Variants in CARMIL3 observed in about 807,000 individuals in gnomAD.
The protein encoded by CARMIL3 is capping protein regulator and myosin 1 linker 3, also known as capping protein, Arp2/3 and myosin-I linker protein 3.
CARMIL3 carries 88 observed loss-of-function variants against 180.8 expected under a neutral mutation model. The observed-to-expected ratio is 0.49, with a 90% confidence interval of 0.41 to 0.58. The LOEUF (loss-of-function observed/expected upper bound fraction) is 0.58. CARMIL3 is among the 20% of genes least tolerant of loss of function. CARMIL3 has a pLI of 0.00. For missense variants in CARMIL3, 1,548 were observed against 1,787.0 expected (o/e 0.87, Z 2.41); for synonymous variants, 696 against 714.5 (o/e 0.97, Z 0.41).
Position 24,065,578 on chromosome 14 carries a change from C to T in CARMIL3, c.3397-44C>T, listed in dbSNP as rs771090261. The stretch of plus-strand genomic sequence containing the variant: ...CAACTCCCTCACAGCCTGGGGAGCC[C>T]CCTTCGACTGGGAACTGCTAATAAA... On this transcript the variant is annotated intron_variant, in intron 33 of 39. Coordinates refer to ENST00000342740, the MANE Select transcript of CARMIL3 (RefSeq NM_138360.4). 14 of 1,565,940 alleles carry T rather than the reference C, an allele frequency of 8.9e-6. No homozygotes were observed. In the East Asian group the frequency reaches 2.7e-4, roughly 30 times the overall value.
Position 24,063,110 on chromosome 14 carries a change from A to G in CARMIL3, c.2707-10A>G. ...GTGCCTGGCCCTGCCACTCGTCTTCATTTCTGCAGGACACCATGGCCATCA... is the reference window on the plus strand; with the variant it reads ...GTGCCTGGCCCTGCCACTCGTCTTCGTTTCTGCAGGACACCATGGCCATCA... On this transcript the variant is annotated splice_polypyrimidine_tract_variant and intron_variant, in intron 29 of 39. Transcript: ENST00000342740. 6.2e-7 allele frequency: 1 copy of G among 1,610,348 alleles called. No individual in the cohort carries two copies. The highest frequency in any genetic ancestry group is 8.5e-7 in the Non-Finnish European group (1 of 1,176,846).
rs189076085 is a variant in CARMIL3, at chr14:24,056,873, T to C, written c.953-42T>C. Reference sequence around the variant, plus strand: ...AGAGTTATGTGCTGAGGGGAAGAGGTGGGGCTAGGGGCCAACCCAGCCCAG... The same window carrying C: ...AGAGTTATGTGCTGAGGGGAAGAGGCGGGGCTAGGGGCCAACCCAGCCCAG... On this transcript the variant is annotated intron_variant, in intron 12 of 39. Coordinates refer to ENST00000342740, the MANE Select transcript of CARMIL3 (RefSeq NM_138360.4). The C allele has an allele frequency of 9.8e-5, 155 of 1,588,358 alleles. 2 individuals carry two copies. In the Admixed American group the frequency reaches 2.6e-3, roughly 26 times the overall value.
chr14:24,053,691 G>T lies in CARMIL3; in HGVS notation c.41-18G>T, dbSNP rs767946239. The stretch of plus-strand genomic sequence containing the variant: ...CAGGGTAAGGTGAAGCTCTGAGCAG[G>T]CTCCCACCCCCCCTCAGACAGCATC... On this transcript the variant is annotated intron_variant, in intron 1 of 39. Coordinates refer to ENST00000342740, the MANE Select transcript of CARMIL3 (RefSeq NM_138360.4). 3 of 1,594,602 alleles carry T rather than the reference G, an allele frequency of 1.9e-6. No individual in the cohort carries two copies. The highest frequency in any genetic ancestry group is 2.6e-6 in the Non-Finnish European group (3 of 1,168,624).
At position 24,052,118 on chromosome 14, in the gene CARMIL3, G is replaced by A. The variant is rs1210507210; in HGVS notation, c.-36G>A. 6.5e-7 allele frequency: 1 copy of A among 1,537,938 alleles called. No homozygotes were observed. Among genetic ancestry groups the A allele is most frequent in the African/African-American group, 1.4e-5 (1 of 70,840 alleles). On this transcript the variant is annotated 5_prime_UTR_variant, in exon 1 of 40. Transcript: ENST00000342740. ...GCCGCGGCTCCCCGGCGGCGGCGGC[G>A]GCTCCTCTGCAGCAGCCTCAGCAGC...
At chr14:24,062,369 C>T (rs2035740794) in intron 27 of CARMIL3, 111 bp from the exon 28 acceptor site, 2 of 982,858 alleles carry the variant, frequency 2.0e-6, no homozygotes, top group Non-Finnish European at 3.3e-6. Flanking sequence ...CATGGGCAGA[C>T]AGACCAGGCC....
Position 24,054,058 on chromosome 14 carries a change from T to C in CARMIL3, c.136-30T>C. On this transcript the variant is annotated intron_variant, in intron 2 of 39. Transcript: ENST00000342740. The surrounding 1 kb of genome is among the most constrained non-coding windows in gnomAD (Gnocchi z 5.1). ...GGCCACCAAGGCCCAGCAGCTGCCA[T>C]GAGCTGCCGATTTTTTCCTCTCTCT... The C allele has an allele frequency of 6.2e-7, 1 of 1,610,550 alleles. No homozygotes were observed. The highest frequency in any genetic ancestry group is 8.5e-7 in the Non-Finnish European group (1 of 1,178,064).
chr14:24,068,226 G>A (rs536994532), intron 36 of CARMIL3, among the ~76,000 whole-genome samples: 2 of 152,110 alleles, frequency 1.3e-5, no homozygotes, highest in African/African-American at 2.4e-5. Context: ...GTGAAACCCT[G>A]TCTCTACTAA....
chr14:24,059,659 C>G lies in CARMIL3; in HGVS notation c.1800-5C>G. On this transcript the variant is annotated splice_region_variant and splice_polypyrimidine_tract_variant and intron_variant, in intron 21 of 39. Coordinates refer to ENST00000342740, the MANE Select transcript of CARMIL3 (RefSeq NM_138360.4). The surrounding 1 kb of genome is among the most constrained non-coding windows in gnomAD (Gnocchi z 6.3). ...GTGCCAAACTGGTGCTTACCCTCCC[C>G]CCAGAACTATCCTATGGGATCGGAA... The G allele has an allele frequency of 1.9e-6, 3 of 1,613,962 alleles. No homozygotes were observed. In the South Asian group the frequency reaches 3.3e-5, roughly 18 times the overall value.
rs1162426283 is a variant in CARMIL3 at position 24,067,170 on chromosome 14, TC to T, written c.3682+516del. Among the ~76,000 whole-genome samples the T allele has an allele frequency of 2.0e-5, 3 of 152,332 alleles. No homozygotes were observed. The East Asian group carries it at 5.8e-4, about 29-fold the overall frequency. On this transcript the variant is annotated intron_variant, in intron 36 of 39. Coordinates refer to ENST00000342740, the MANE Select transcript of CARMIL3 (RefSeq NM_138360.4). Reference sequence around the variant, plus strand: ...GGAGGTCAGAAACCTGCAGTATTAGTCCTTCTCAGCCACCCGCGACCTTAAA... The same window carrying T: ...GGAGGTCAGAAACCTGCAGTATTAGTCTTCTCAGCCACCCGCGACCTTAAA...
At position 24,059,424 on chromosome 14, in the gene CARMIL3, A is replaced by G. The variant is rs1285436480; in HGVS notation, c.1781A>G (p.Gln594Arg). ...IGAKMLSKAL[Q>R]INSSLRTILW... ...GCCAAGATGCTGTCTAAGGCCCTGC[A>G]GATAAACTCCTCCCTCAGGTGGGGC... The change falls in exon 21 of 40, where the codon CAG (glutamine) becomes CGG (arginine). Residue 594 changes from glutamine (Q) to arginine (R), a missense_variant. By Grantham distance (43) the Gln-to-Arg change is conservative (BLOSUM62 1). Around this residue, in one of 4 missense-constraint regions of CARMIL3, gnomAD observed 297 missense variants for 415.9 expected, o/e 0.71. Transcript: ENST00000342740. This position sits in a 1 kb window ranked among gnomAD's most constrained non-coding sequence, Gnocchi z 6.3. The G allele has an allele frequency of 6.3e-7, 1 of 1,583,038 alleles. No individual in the cohort carries two copies. Among genetic ancestry groups the G allele is most frequent in the African/African-American group, 1.4e-5 (1 of 74,014 alleles).
intron 36 of CARMIL3, 114 bp downstream of exon 36, chr14:24,066,770 A>C (rs1000874263): frequency 2.0e-6 from 2 of 1,023,116 alleles, no homozygotes; most frequent in African/African-American, 3.2e-5. Flanking sequence ...GGCAGTGAGA[A>C]GTCAACACAG....
At position 24,055,269 on chromosome 14, in the gene CARMIL3, C is replaced by G. The variant is rs758355583; in HGVS notation, c.564C>G (p.Asn188Lys). 6.2e-7 allele frequency: 1 copy of G among 1,614,170 alleles called. No homozygotes were observed. Among genetic ancestry groups the G allele is most frequent in the South Asian group, 1.1e-5 (1 of 91,084 alleles). The change falls in exon 8 of 40, where the codon AAC (asparagine) becomes AAG (lysine). Residue 188 changes from asparagine to lysine, a missense_variant. Physicochemically the swap from Asn to Lys is moderately conservative, Grantham distance 94 (BLOSUM62 0). Coordinates refer to ENST00000342740, the MANE Select transcript of CARMIL3 (RefSeq NM_138360.4). ...DVDTIYHAED[N>K]REFNLLDFSH... ...ACACCATCTACCATGCTGAAGATAA[C>G]CGGGAGTTCAATCTTTTGGATTTCA...
In CARMIL3 at chr14:24,059,519, G is replaced by A; in HGVS notation, c.1799+77G>A. 6.6e-7 allele frequency: 1 copy of A among 1,525,048 alleles called. No individual in the cohort carries two copies. Among genetic ancestry groups the A allele is most frequent in the South Asian group, 1.2e-5 (1 of 82,400 alleles). 94.5% of individuals were successfully genotyped at this position (1,525,048 alleles called of 1,614,324 possible). A position where few individuals can be genotyped will look rare whatever the true frequency, so the allele number is the denominator to read the frequency against. On this transcript the variant is annotated intron_variant, in intron 21 of 39. Transcript: ENST00000342740. The surrounding 1 kb of genome is among the most constrained non-coding windows in gnomAD (Gnocchi z 6.3). The stretch of plus-strand genomic sequence containing the variant: ...TGTACATAATCTCCCTGCTTTCCTT[G>A]ATGCTCTGGACCCCAGCTTCCAGAA...
chr14:24,060,897 C>A, intron 25 of CARMIL3, 30 bp from the exon 26 acceptor site: 1 of 1,546,764 alleles, frequency 6.5e-7, no homozygotes, highest in South Asian at 1.2e-5. Context: ...CTGGTTCTGG[C>A]CTGCTAATCA....
chr14:24,060,073 G>A lies in CARMIL3; in HGVS notation c.1962+10G>A, dbSNP rs1464851788. 6.2e-7 allele frequency: 1 copy of A among 1,613,866 alleles called. No individual in the cohort carries two copies. The highest frequency in any genetic ancestry group is 8.5e-7 in the Non-Finnish European group (1 of 1,180,002). ...GGACGTCTGGCAGAAGGTGCAGGGT[G>A]CTGTCCTAAGCAGGGTGGCACAGCA... On this transcript the variant is annotated intron_variant, in intron 23 of 39. Transcript: ENST00000342740.
In CARMIL3 at chr14:24,065,137, C is replaced by CCCCCCCGGGG; in HGVS notation, c.3260_3261insCCCCCCGGGG (p.Thr1088ProfsTer10). 6.9e-7 allele frequency: 1 copy of CCCCCCCGGGG among 1,444,628 alleles called. No individual in the cohort carries two copies. The allele number at this position is 1,444,628 out of a possible 1,614,324, so 89.5% of individuals were successfully genotyped here. On this transcript the variant is annotated frameshift_variant, in exon 33 of 40. Coordinates refer to ENST00000342740, the MANE Select transcript of CARMIL3 (RefSeq NM_138360.4). LOFTEE classifies it high-confidence loss of function. ...CTCCCTCCACCCCCACCCCCTCCCC[C>CCCCCCCGGGG]GACTCAGGAGAGCCCCCCTAGCCCA...
chr14:24,063,451 C>T lies in CARMIL3; in HGVS notation c.2897C>T (p.Thr966Ile), dbSNP rs2035753682. 1.2e-6 allele frequency: 2 copies of T among 1,613,814 alleles called. No individual in the cohort carries two copies. Among genetic ancestry groups the T allele is most frequent in the Non-Finnish European group, 1.7e-6 (2 of 1,180,024 alleles). The change falls in exon 31 of 40, where the codon ACT (threonine) becomes ATT (isoleucine). Residue 966 changes from threonine to isoleucine, a missense_variant. Physicochemically the swap from Thr to Ile is moderately conservative, Grantham distance 89 (BLOSUM62 -1). This residue lies in a region of CARMIL3 where 668 missense variants were observed against 687.8 expected (regional missense o/e 0.97). Transcript: ENST00000342740. ...GSWEGLSELP[T>I]HGYKLRHQTQ... is the part of the protein sequence containing the mutation. ...TGGGAAGGTCTATCTGAGCTGCCCA[C>T]TCATGGTTACAAACTAAGGCATCAA...
intron 34 of CARMIL3, among the ~76,000 whole-genome samples, chr14:24,066,093 C>CT (rs1176213030): frequency 1.3e-5 from 2 of 152,144 alleles, no homozygotes; most frequent in African/African-American, 2.4e-5. Flanking sequence ...ATTAACTCAC[C>CT]TTTTTTTAAC....
chr14:24,059,608 C>A lies in CARMIL3; in HGVS notation c.1800-56C>A. The stretch of plus-strand genomic sequence containing the variant: ...TGCCCCAAGAGGTTTGTGTCCCTGG[C>A]CCCTAGTAGGGACCCAGGAGGAGAG... On this transcript the variant is annotated intron_variant, in intron 21 of 39. Coordinates refer to ENST00000342740, the MANE Select transcript of CARMIL3 (RefSeq NM_138360.4). The surrounding 1 kb of genome is among the most constrained non-coding windows in gnomAD (Gnocchi z 6.3). 6.3e-7 allele frequency: 1 copy of A among 1,586,786 alleles called. No homozygotes were observed. Among genetic ancestry groups the A allele is most frequent in the South Asian group, 1.1e-5 (1 of 89,504 alleles).
Sources: allele counts gnomAD v4.1 joint callset (sites outside exome capture counted in the v4.1 genomes callset), GRCh38; gene constraint gnomAD v4.1.1; regional missense constraint gnomAD v4.1.1; non-coding constraint Gnocchi (gnomAD v3.1); transcripts MANE v1.5; gene names NCBI Gene and HGNC (gene_info 2026-07-23, HGNC 2026-07-21).